The following SLC10A7 variants were observed in gnomAD, a reference collection of about 807,000 sequenced individuals.
SLC10A7 encodes the protein solute carrier family 10 member 7.
A neutral mutation model predicts 43.2 loss-of-function variants in SLC10A7; 29 were observed. That is an observed-to-expected ratio of 0.67 (90% CI 0.50 to 0.92). SLC10A7 has a LOEUF of 0.92. Ranked by LOEUF, SLC10A7 falls within the 40% of genes least tolerant of loss-of-function variation. The pLI is 0.00. For missense variants in SLC10A7, 295 were observed against 403.2 expected, an observed-to-expected ratio of 0.73 and a Z score of 2.30; for synonymous variants, 152 against 144.8, an observed-to-expected ratio of 1.05 and a Z score of -0.35.
intron 5 of SLC10A7, among the ~76,000 whole-genome samples, chr4:146,368,964 G>A (rs758233313): frequency 6.6e-6 from 1 of 152,172 alleles, no homozygotes; most frequent in Non-Finnish European, 1.5e-5. Flanking sequence ...TATTTTGAGA[G>A]CTACCCAGCC....
intron 5 of SLC10A7, among the ~76,000 whole-genome samples, chr4:146,343,487 A>T (rs1218082424): frequency 1.3e-5 from 2 of 152,086 alleles, no homozygotes; most frequent in African/African-American, 4.8e-5. Flanking sequence ...TTCAGTTCAA[A>T]TGAAGGAGTG....
intron 4 of SLC10A7, among the ~76,000 whole-genome samples, chr4:146,451,211 C>G (rs1278235740): frequency 1.6e-4 from 19 of 118,442 alleles, no homozygotes; most frequent in Non-Finnish European, 3.4e-5. Context: ...AGTAACAAGG[C>G]TGAATCAGAA....
At chr4:146,389,860 A>G (rs989916948) in intron 5 of SLC10A7, among the ~76,000 whole-genome samples, 1 of 152,248 alleles carries the variant, frequency 6.6e-6, no homozygotes, top group Admixed American at 6.5e-5. Context: ...TATAAAATGC[A>G]GATGACCATT....
Position 146,498,856 on chromosome 4 carries a change from C to T in SLC10A7, c.396+4993G>A, listed in dbSNP as rs182108296. ...TAACTAACAAAAAGCAATAAAGTTACTTCTTGCCAAAGTACAACCCATGAC... is the reference window on the plus strand; with the variant it reads ...TAACTAACAAAAAGCAATAAAGTTATTTCTTGCCAAAGTACAACCCATGAC... On this transcript the variant is annotated intron_variant, in intron 4 of 11. Coordinates refer to ENST00000335472, the MANE Select transcript of SLC10A7 (RefSeq NM_001029998.6). Among the ~76,000 whole-genome samples the T allele has an allele frequency of 1.6e-3, 246 of 152,224 alleles. 1 individual carries two copies. The highest frequency in any genetic ancestry group is 5.6e-3 in the African/African-American group (232 of 41,542).
At chr4:146,382,454 A>G (rs924015531) in intron 5 of SLC10A7, among the ~76,000 whole-genome samples, 3 of 152,098 alleles carry the variant, frequency 2.0e-5, no homozygotes, top group Admixed American at 6.6e-5. Context: ...GGCTGTTTTC[A>G]TTTTTGTATC....
At chr4:146,310,974 A>C in intron 6 of SLC10A7, among the ~76,000 whole-genome samples, 2 of 67,080 alleles carry the variant, frequency 3.0e-5, no homozygotes, top group Admixed American at 1.9e-4. Context: ...GGGGAGGGGG[A>C]TGAGGGGAAG....
At chr4:146,264,221 T>C (rs1304136222) in intron 10 of SLC10A7, among the ~76,000 whole-genome samples, 2 of 152,242 alleles carry the variant, frequency 1.3e-5, no homozygotes, top group African/African-American at 4.8e-5. Flanking sequence ...GTTTATTTTA[T>C]GTTCTCTGAA....
chr4:146,446,440 G>T (rs762250530), intron 4 of SLC10A7, among the ~76,000 whole-genome samples: 8 of 152,044 alleles, frequency 5.3e-5, no homozygotes, highest in Non-Finnish European at 1.2e-4. Flanking sequence ...GCCAGGCATG[G>T]TGGCAGATGC....
intron 4 of SLC10A7, among the ~76,000 whole-genome samples, chr4:146,494,132 C>T (rs960022903): frequency 4.6e-5 from 7 of 152,186 alleles, no homozygotes; most frequent in Non-Finnish European, 8.8e-5. Flanking sequence ...AGTACTTCCA[C>T]ATATCAATGC....
intron 5 of SLC10A7, among the ~76,000 whole-genome samples, chr4:146,398,211 C>T (rs1200670581): frequency 6.6e-6 from 1 of 152,120 alleles, no homozygotes; most frequent in African/African-American, 2.4e-5. Flanking sequence ...CAGTATCCTA[C>T]AATTTGACAT....
intron 10 of SLC10A7, among the ~76,000 whole-genome samples, chr4:146,271,719 A>G (rs551830261): frequency 6.9e-4 from 105 of 152,152 alleles, no homozygotes; most frequent in Non-Finnish European, 1.4e-3. Context: ...CCCCTCTCCC[A>G]TTACCATTCC....
Position 146,341,369 on chromosome 4 carries a change from A to AC in SLC10A7, c.436-15374dup, listed in dbSNP as rs893696061. Among the ~76,000 whole-genome samples, 27 of 151,372 alleles carry AC rather than the reference A, an allele frequency of 1.8e-4. 1 individual carries two copies. The highest frequency in any genetic ancestry group is 3.0e-5 in the Non-Finnish European group (2 of 67,670). On this transcript the variant is annotated intron_variant, in intron 5 of 11. Coordinates refer to ENST00000335472, the MANE Select transcript of SLC10A7 (RefSeq NM_001029998.6). ...TTTTATTAAGAATAGGCAAAACCAAACCCCCCCAAAACCAAAAATGGCCAT... is the reference window on the plus strand; with the variant it reads ...TTTTATTAAGAATAGGCAAAACCAAACCCCCCCCAAAACCAAAAATGGCCAT...
rs1037649872 is a variant in SLC10A7, at chr4:146,384,587, T to TA, written c.435+58195dup. ...TTATTAGTCTCTTTATCAGGTTTCA[T>TA]AAAAAAGCACACTATGTATATATAG... On this transcript the variant is annotated intron_variant, in intron 5 of 11. Transcript: ENST00000335472. Among the ~76,000 whole-genome samples the TA allele has an allele frequency of 7.2e-5, 11 of 152,208 alleles. No homozygotes were observed. The South Asian group carries it at 2.1e-3, about 29-fold the overall frequency.
intron 5 of SLC10A7, among the ~76,000 whole-genome samples, chr4:146,410,780 A>G (rs1265025963): frequency 6.6e-6 from 1 of 152,126 alleles, no homozygotes; most frequent in Non-Finnish European, 1.5e-5. Context: ...ATCTTAATGA[A>G]GATTGTTTTA....
intron 4 of SLC10A7, among the ~76,000 whole-genome samples, chr4:146,491,662 G>C (rs1017667889): frequency 7.0e-6 from 1 of 143,254 alleles, no homozygotes; most frequent in Admixed American, 7.2e-5. Flanking sequence ...GAAGGAGGGA[G>C]AGAGGGAGGG....
intron 4 of SLC10A7, among the ~76,000 whole-genome samples, chr4:146,490,747 C>A (rs1735325383): frequency 6.6e-6 from 1 of 152,182 alleles, no homozygotes; most frequent in South Asian, 2.1e-4. Context: ...TATGCCCAAT[C>A]TAGGATATCA....
intron 6 of SLC10A7, among the ~76,000 whole-genome samples, chr4:146,309,611 C>T (rs1731821985): frequency 6.6e-6 from 1 of 152,108 alleles, no homozygotes; most frequent in Non-Finnish European, 1.5e-5. Context: ...TAGTGAATGA[C>T]TGTAATACAA....
intron 10 of SLC10A7, among the ~76,000 whole-genome samples, chr4:146,273,792 G>C (rs1729038913): frequency 6.6e-6 from 1 of 151,924 alleles, no homozygotes; most frequent in African/African-American, 2.4e-5. Flanking sequence ...ACTGCCCTGG[G>C]AACTGAAACT....
rs773117913 is a variant in SLC10A7, at chr4:146,292,996, T to C, written c.722-16A>G. 3.9e-6 allele frequency: 6 copies of C among 1,530,968 alleles called. No homozygotes were observed. The highest frequency in any genetic ancestry group is 5.4e-6 in the Non-Finnish European group (6 of 1,112,582). 94.8% of individuals were successfully genotyped at this position (1,530,968 alleles called of 1,614,324 possible). ...ATAGAAAATACTGAAGAAAAAAAGATTGAATCTAAATTAGCACTCTAAAAG... is the reference window on the plus strand; with the variant it reads ...ATAGAAAATACTGAAGAAAAAAAGACTGAATCTAAATTAGCACTCTAAAAG... On this transcript the variant is annotated splice_polypyrimidine_tract_variant and intron_variant, in intron 8 of 11. Transcript: ENST00000335472.
Sources: allele counts gnomAD v4.1 joint callset (sites outside exome capture counted in the v4.1 genomes callset), GRCh38; gene constraint gnomAD v4.1.1; transcripts MANE v1.5; gene names NCBI Gene and HGNC (gene_info 2026-07-23, HGNC 2026-07-21).